TINAG: variants seen among roughly 807,000 people sequenced by gnomAD.
TINAG encodes tubulointerstitial nephritis antigen.
A neutral mutation model predicts 72.7 loss-of-function variants in TINAG; 83 were observed. The ratio of observed to expected loss-of-function variants is 1.14; its 90% CI spans 0.96 to 1.37. The LOEUF (loss-of-function observed/expected upper bound fraction) is 1.37, where lower values mean the gene tolerates loss of function less well. TINAG is among the 40% of genes most tolerant of loss of function. The pLI is 0.00. For missense variants in TINAG, 685 were observed against 576.6 expected (o/e 1.19, Z -1.93); for synonymous variants, 234 against 189.9 (o/e 1.23, Z -1.91).
At chr6:54,343,670 C>T (rs1047911829) in intron 5 of TINAG, among the ~76,000 whole-genome samples, 1 of 151,638 alleles carries the variant, frequency 6.6e-6, no homozygotes, top group Non-Finnish European at 1.5e-5. Flanking sequence ...CTTTTTCATT[C>T]ATATATTATT....
chr6:54,310,266 G>T (rs139466717), intron 1 of TINAG, among the ~76,000 whole-genome samples: 262 of 151,742 alleles, frequency 1.7e-3, no homozygotes, highest in Non-Finnish European at 3.1e-3. Context: ...TTTATTTTTT[G>T]TAAATGTGGG....
At chr6:54,320,705 A>G in intron 2 of TINAG, 63 bp downstream of exon 2, 2 of 1,376,592 alleles carry the variant, frequency 1.5e-6, no homozygotes, top group African/African-American at 1.4e-5. Flanking sequence ...TTCAAATAAA[A>G]GAAATATTTG....
chr6:54,308,872 T>C lies in TINAG; in HGVS notation c.322T>C (p.Trp108Arg). The C allele has an allele frequency of 6.2e-7, 1 of 1,612,948 alleles. No individual in the cohort carries two copies. The highest frequency in any genetic ancestry group is 8.5e-7 in the Non-Finnish European group (1 of 1,179,542). ...GTCCTTTTGCCGTGAAGAGAAAGAA[T>C]GGCCTCCTCACACACAGCCTTGGTA... ...YKSFCREEKEWPPHTQPWYPE... is the reference protein window; with the variant it reads ...YKSFCREEKERPPHTQPWYPE... The change falls in exon 1 of 11, where the codon TGG becomes CGG. Residue 108 changes from tryptophan to arginine, a missense_variant. By Grantham distance (101) the Trp-to-Arg change is moderately radical (BLOSUM62 -3). Coordinates refer to ENST00000259782, the MANE Select transcript of TINAG (RefSeq NM_014464.4).
chr6:54,373,693 C>T (rs1763697279), intron 9 of TINAG, among the ~76,000 whole-genome samples: 1 of 152,002 alleles, frequency 6.6e-6, no homozygotes, highest in African/African-American at 2.4e-5. Flanking sequence ...ACGAATATTC[C>T]ATAAAATTTT....
intron 9 of TINAG, among the ~76,000 whole-genome samples, chr6:54,379,002 C>T (rs575779619): frequency 3.7e-4 from 56 of 152,220 alleles, no homozygotes; most frequent in Non-Finnish European, 1.5e-4. Flanking sequence ...TGCCATCATT[C>T]TATTCTGTGC....
In TINAG at chr6:54,308,576, T is replaced by G; in HGVS notation, c.26T>G (p.Ile9Ser). 1 of 1,612,398 alleles carries G rather than the reference T, an allele frequency of 6.2e-7. No individual in the cohort carries two copies. Among genetic ancestry groups the G allele is most frequent in the South Asian group, 1.1e-5 (1 of 90,938 alleles). MWTGYKIL[I>S]FSYLTTEIWM... Reference sequence around the variant, plus strand: ...ATGTGGACCGGATATAAGATCTTAATCTTCTCTTATCTTACTACAGAAATC... The same window carrying G: ...ATGTGGACCGGATATAAGATCTTAAGCTTCTCTTATCTTACTACAGAAATC... The change falls in exon 1 of 11, where the codon ATC (isoleucine) becomes AGC (serine). Residue 9 changes from isoleucine to serine, a missense_variant. Physicochemically the swap from Ile to Ser is moderately radical, Grantham distance 142 (BLOSUM62 -2). Transcript: ENST00000259782.
chr6:54,369,391 C>T (rs763471606), intron 9 of TINAG, among the ~76,000 whole-genome samples: 1 of 151,878 alleles, frequency 6.6e-6, no homozygotes, highest in Non-Finnish European at 1.5e-5. Flanking sequence ...AGCTTTGTTT[C>T]ATGCTTACTA....
At chr6:54,313,876 A>G (rs1784313755) in intron 1 of TINAG, among the ~76,000 whole-genome samples, 1 of 152,134 alleles carries the variant, frequency 6.6e-6, no homozygotes, top group Admixed American at 6.6e-5. Context: ...TAAATGTGCA[A>G]TTTCTATATT....
chr6:54,308,073 C>G (rs1442833341), upstream of TINAG: 1 of 1,549,918 alleles, frequency 6.5e-7, no homozygotes, highest in South Asian at 1.2e-5. Context: ...CTCATGAGAG[C>G]CTGGATGTTC....
chr6:54,351,404 T>C lies in TINAG; in HGVS notation c.1126+7T>C. The C allele has an allele frequency of 1.2e-6, 2 of 1,609,424 alleles. No individual in the cohort carries two copies. Among genetic ancestry groups the C allele is most frequent in the Non-Finnish European group, 8.5e-7 (1 of 1,177,198 alleles). ...CAAAATGGACCAGTTCAAGGTAAGC[T>C]TGAATGAAATACGGTTTTTTCTTAC... On this transcript the variant is annotated splice_region_variant and intron_variant, in intron 8 of 10. Transcript: ENST00000259782.
At chr6:54,388,542 G>A (rs1177078544) in intron 10 of TINAG, among the ~76,000 whole-genome samples, 1 of 152,136 alleles carries the variant, frequency 6.6e-6, no homozygotes, top group Admixed American at 6.6e-5. Context: ...TATGTCTTGA[G>A]AATATTTTCT....
intron 6 of TINAG, among the ~76,000 whole-genome samples, chr6:54,348,971 A>G (rs1173668852): frequency 6.6e-6 from 1 of 152,060 alleles, no homozygotes; most frequent in East Asian, 1.9e-4. Flanking sequence ...CAATACCATT[A>G]CCATGATTTT....
At chr6:54,329,422 G>A (rs1195886193) in intron 4 of TINAG, among the ~76,000 whole-genome samples, 2 of 152,088 alleles carry the variant, frequency 1.3e-5, no homozygotes, top group East Asian at 3.8e-4. Flanking sequence ...ACAAGCAAAT[G>A]CCCAGGGATT....
intron 8 of TINAG, 48 bp downstream of exon 8, chr6:54,351,445 A>G: frequency 1.3e-6 from 2 of 1,556,366 alleles, no homozygotes; most frequent in Non-Finnish European, 1.8e-6. Context: ...CCTTTAATAA[A>G]CAACATTACA....
intron 9 of TINAG, 105 bp downstream of exon 9, chr6:54,354,741 T>G: frequency 8.0e-7 from 1 of 1,243,128 alleles, no homozygotes; most frequent in Non-Finnish European, 1.1e-6. Flanking sequence ...GGAGAGATTG[T>G]GATACAAATG....
chr6:54,315,766 C>T (rs1784359390), intron 1 of TINAG, among the ~76,000 whole-genome samples: 1 of 151,948 alleles, frequency 6.6e-6, no homozygotes, highest in Non-Finnish European at 1.5e-5. Context: ...ATTTTCTAGA[C>T]ATAACCTTTT....
chr6:54,356,284 C>T (rs1763040064), intron 9 of TINAG, among the ~76,000 whole-genome samples: 1 of 151,950 alleles, frequency 6.6e-6, no homozygotes, highest in Non-Finnish European at 1.5e-5. Flanking sequence ...CTTGTAATCC[C>T]AGCACTTTGG....
chr6:54,345,792 A>G (rs913068451), intron 5 of TINAG, among the ~76,000 whole-genome samples: 1 of 152,088 alleles, frequency 6.6e-6, no homozygotes, highest in Non-Finnish European at 1.5e-5. Flanking sequence ...GATGCCAGCA[A>G]TTTCCCTAAA....
intron 4 of TINAG, among the ~76,000 whole-genome samples, chr6:54,339,154 G>T (rs1784939619): frequency 1.3e-5 from 2 of 152,116 alleles, no homozygotes; most frequent in African/African-American, 2.4e-5. Flanking sequence ...AATGGCAATT[G>T]TGTGTGCTGT....
Sources: allele counts gnomAD v4.1 joint callset (sites outside exome capture counted in the v4.1 genomes callset), GRCh38; gene constraint gnomAD v4.1.1; transcripts MANE v1.5; gene names NCBI Gene and HGNC (gene_info 2026-07-23, HGNC 2026-07-21).